DMD: variants seen among roughly 807,000 people sequenced by gnomAD.
The protein encoded by DMD is dystrophin, also known as mutant dystrophin.
A neutral mutation model predicts 330.1 loss-of-function variants in DMD; 63 were observed. The ratio of observed to expected loss-of-function variants is 0.19; its 90% CI spans 0.16 to 0.24. The LOEUF (loss-of-function observed/expected upper bound fraction) is 0.24, where lower values mean the gene tolerates loss of function less well. DMD is among the 10% of genes least tolerant of loss of function. The pLI is 1.00. For synonymous variants in DMD, 1,223 were observed against 959.8 expected (o/e 1.27, Z -5.07); for missense variants, 3,344 against 2,684.1 (o/e 1.25, Z -5.43).
At chrX:32,635,858 C>G (rs959548309) in intron 11 of DMD, among the ~76,000 whole-genome samples, 1 of 111,998 alleles carries the variant, frequency 8.9e-6, no homozygotes. Context: ...ATCACCTTTA[C>G]CACAAGTACA....
chrX:32,729,803 T>A (rs1186780471), intron 7 of DMD, among the ~76,000 whole-genome samples: 2 of 112,057 alleles, frequency 1.8e-5, no homozygotes, highest in African/African-American at 6.5e-5. Context: ...CCTATCAAAG[T>A]AAAAACGTTG....
chrX:31,689,324 AACAG>A (rs1481566449), intron 52 of DMD, among the ~76,000 whole-genome samples: 1 of 112,073 alleles, frequency 8.9e-6, no homozygotes, highest in Non-Finnish European at 1.9e-5. Context: ...ATACACCAAT[AACAG>A]ACAAACAGAG....
chrX:31,795,359 G>A (rs753909528), intron 50 of DMD, among the ~76,000 whole-genome samples: 3 of 112,083 alleles, frequency 2.7e-5, no homozygotes, highest in Non-Finnish European at 5.6e-5. Flanking sequence ...AATTTTGATT[G>A]TTCTTATCTG....
At chrX:32,390,044 TTCCTTA>T (rs766776613) in intron 31 of DMD, 21 bp downstream of exon 31, 1 of 1,130,545 alleles carries the variant, frequency 8.8e-7, no homozygotes, top group South Asian at 1.8e-5. Context: ...CGAAAACACG[TTCCTTA>T]GTTTCTGAAA....
intron 2 of DMD, among the ~76,000 whole-genome samples, chrX:32,940,797 G>A (rs964495653): frequency 1.8e-5 from 2 of 111,666 alleles, no homozygotes; most frequent in African/African-American, 3.3e-5. Flanking sequence ...CCAAAAAATT[G>A]ACAAGCGAGA....
chrX:32,641,883 GA>G lies in DMD; in HGVS notation c.1331+2248del, dbSNP rs1324251170. 7.3e-5 allele frequency among the ~76,000 whole-genome samples: 8 copies of G among 110,010 alleles called. No individual in the cohort carries two copies. In the East Asian group the frequency reaches 1.4e-3, roughly 20 times the overall value. Reference sequence around the variant, plus strand: ...CTACTCTGAAGTAATCATATATTTAGAAAAAAAATAGGTAATGCTCCAAGTT... The same window carrying G: ...CTACTCTGAAGTAATCATATATTTAGAAAAAAATAGGTAATGCTCCAAGTT... On this transcript the variant is annotated intron_variant, in intron 11 of 78. Transcript: ENST00000357033.
chrX:32,900,010 T>A (rs1335457988), intron 2 of DMD, among the ~76,000 whole-genome samples: 2 of 112,106 alleles, frequency 1.8e-5, no homozygotes, highest in East Asian at 5.6e-4. Context: ...CTGGGCTTTC[T>A]GATCTCTATG....
intron 1 of DMD, among the ~76,000 whole-genome samples, chrX:33,323,990 T>C (rs1441072284): frequency 9.0e-6 from 1 of 111,722 alleles, no homozygotes; most frequent in Non-Finnish European, 1.9e-5. Context: ...TGACAGTTTC[T>C]CTAACTCCCA....
chrX:32,561,665 G>A (rs1394520331), intron 16 of DMD, among the ~76,000 whole-genome samples: 1 of 111,208 alleles, frequency 9.0e-6, no homozygotes, highest in Non-Finnish European at 1.9e-5. Flanking sequence ...GATACTCACT[G>A]AGCAGAAGCC....
chrX:32,511,473 G>A (rs1250276919), intron 18 of DMD, among the ~76,000 whole-genome samples: 1 of 93,393 alleles, frequency 1.1e-5, no homozygotes, highest in Admixed American at 1.3e-4. Flanking sequence ...AGTGAGCCAA[G>A]ATTGCGCCAC....
chrX:31,337,307 C>T (rs2057460998), intron 61 of DMD, among the ~76,000 whole-genome samples: 1 of 111,595 alleles, frequency 9.0e-6, no homozygotes, highest in African/African-American at 3.3e-5. Context: ...CTTAAGGAGA[C>T]ATAGCACATA....
intron 42 of DMD, among the ~76,000 whole-genome samples, chrX:32,292,622 C>T (rs1332039032): frequency 1.8e-5 from 2 of 111,544 alleles, no homozygotes; most frequent in Non-Finnish European, 3.8e-5. Flanking sequence ...GCATTTTAAT[C>T]ATTTGTAAGT....
At chrX:33,123,037 G>T (rs928662533) in intron 1 of DMD, among the ~76,000 whole-genome samples, 1 of 112,084 alleles carries the variant, frequency 8.9e-6, no homozygotes, top group Admixed American at 9.5e-5. Flanking sequence ...GATTTTTACT[G>T]TACCTTCTAA....
At chrX:32,005,221 C>T (rs781669832) in intron 44 of DMD, among the ~76,000 whole-genome samples, 1 of 111,684 alleles carries the variant, frequency 9.0e-6, no homozygotes, top group East Asian at 2.8e-4. Context: ...AGTGTCAGCG[C>T]TATGAATGGG....
At position 31,392,713 on chromosome X, in the gene DMD, C is replaced by T. The variant is rs150320055; in HGVS notation, c.9085-44079G>A. On this transcript the variant is annotated intron_variant, in intron 60 of 78. Coordinates refer to ENST00000357033, the MANE Select transcript of DMD (RefSeq NM_004006.3). ...TAAGATGGCTGTACGTAATAAAGCT[C>T]TAATCCTCTATTAGGCTCCTGAAAT... Among the ~76,000 whole-genome samples, 1,003 of 112,268 alleles carry T rather than the reference C, an allele frequency of 8.9e-3. 12 individuals carry two copies. The highest frequency in any genetic ancestry group is 0.03 in the African/African-American group (932 of 30,904).
intron 7 of DMD, among the ~76,000 whole-genome samples, chrX:32,775,055 C>T (rs73621827): frequency 0.01 from 1,172 of 112,225 alleles, 19 homozygotes; most frequent in African/African-American, 0.036. Flanking sequence ...ACAGGTCCCA[C>T]GCAAGTTTGA....
intron 12 of DMD, among the ~76,000 whole-genome samples, chrX:32,612,811 T>C (rs1602153814): frequency 9.0e-6 from 1 of 111,148 alleles, no homozygotes; most frequent in Non-Finnish European, 1.9e-5. Context: ...GGGATTACCA[T>C]AGTTACAGTT....
At chrX:32,816,356 A>G (rs1261320904) in intron 6 of DMD, 112 bp downstream of exon 6, 2 of 830,265 alleles carry the variant, frequency 2.4e-6, no homozygotes, top group African/African-American at 2.0e-5. Context: ...GTCAATGTAC[A>G]TAACATGTTG....
chrX:31,608,925 A>G (rs2077752177), intron 55 of DMD, among the ~76,000 whole-genome samples: 2 of 111,978 alleles, frequency 1.8e-5, no homozygotes, highest in South Asian at 7.4e-4. Context: ...GGGATTAATG[A>G]TTAAATCTAC....
Sources: allele counts gnomAD v4.1 joint callset (sites outside exome capture counted in the v4.1 genomes callset), GRCh38; gene constraint gnomAD v4.1.1; transcripts MANE v1.5; gene names NCBI Gene and HGNC (gene_info 2026-07-23, HGNC 2026-07-21).